The following ABTB3 variants were observed in gnomAD, a reference collection of about 807,000 sequenced individuals.
ABTB3 encodes ankyrin repeat- and BTB/POZ domain-containing protein 3.
the ABTB3 span, among the ~76,000 whole-genome samples, chr12:107,631,350 A>G: frequency 1.3e-5 from 2 of 152,164 alleles, no homozygotes; most frequent in South Asian, 2.1e-4. Context: ...CCAGTGCACC[A>G]CTGATGGACA....
chr12:107,438,126 C>T, the ABTB3 span, among the ~76,000 whole-genome samples: 1 of 152,150 alleles, frequency 6.6e-6, no homozygotes, highest in Admixed American at 6.5e-5. Context: ...TAAGATGATA[C>T]AACCAGGCGC....
At chr12:107,354,479 A>G in the ABTB3 span, among the ~76,000 whole-genome samples, 1 of 152,160 alleles carries the variant, frequency 6.6e-6, no homozygotes, top group South Asian at 2.1e-4. Flanking sequence ...TGGACATTTC[A>G]TAGAAATGGA....
chr12:107,394,819 A>G, the ABTB3 span, among the ~76,000 whole-genome samples: 1 of 152,194 alleles, frequency 6.6e-6, no homozygotes, highest in South Asian at 2.1e-4. Context: ...ATCACCACCA[A>G]AAAACATTGT....
chr12:107,489,022 A>G, the ABTB3 span, among the ~76,000 whole-genome samples: 6 of 152,206 alleles, frequency 3.9e-5, no homozygotes, highest in Non-Finnish European at 8.8e-5. Context: ...AAAAAGGAGT[A>G]CAAAGGCATC....
chr12:107,497,104 G>T, the ABTB3 span, among the ~76,000 whole-genome samples: 41 of 152,162 alleles, frequency 2.7e-4, no homozygotes, highest in Non-Finnish European at 4.7e-4. Context: ...CACATAGTGG[G>T]TGTCAGCTCC....
At chr12:107,341,574 C>A in the ABTB3 span, among the ~76,000 whole-genome samples, 9 of 152,248 alleles carry the variant, frequency 5.9e-5, no homozygotes, top group East Asian at 1.7e-3. Context: ...TTTCTGGGAA[C>A]CTCAATATGT....
At chr12:107,455,186 C>T in the ABTB3 span, among the ~76,000 whole-genome samples, 2 of 152,230 alleles carry the variant, frequency 1.3e-5, no homozygotes, top group Admixed American at 6.5e-5. Flanking sequence ...GATTTGAATC[C>T]CGTCTCTCTG....
chr12:107,336,423 A>G, the ABTB3 span, among the ~76,000 whole-genome samples: 1 of 152,160 alleles, frequency 6.6e-6, no homozygotes, highest in East Asian at 1.9e-4. Context: ...AAATCCCAGC[A>G]TCGTCCCTTA....
chr12:107,469,186 C>G, the ABTB3 span, among the ~76,000 whole-genome samples: 1 of 152,172 alleles, frequency 6.6e-6, no homozygotes, highest in Non-Finnish European at 1.5e-5. Flanking sequence ...ACAGGCCTCC[C>G]CTGCAGACAT....
the ABTB3 span, among the ~76,000 whole-genome samples, chr12:107,366,435 C>T: frequency 6.6e-6 from 1 of 151,840 alleles, no homozygotes; most frequent in South Asian, 2.1e-4. Flanking sequence ...AAAAACCTAA[C>T]ACCAGGAAAC....
At chr12:107,406,144 G>A in the ABTB3 span, among the ~76,000 whole-genome samples, 1 of 152,226 alleles carries the variant, frequency 6.6e-6, no homozygotes, top group South Asian at 2.1e-4. Context: ...GCACACGGTT[G>A]TGATAGTACC....
the ABTB3 span, among the ~76,000 whole-genome samples, chr12:107,408,075 C>T: frequency 2.6e-5 from 4 of 151,922 alleles, no homozygotes; most frequent in Non-Finnish European, 2.9e-5. Flanking sequence ...ATATGATAAA[C>T]GGTCTCTTGC....
chr12:107,640,369 A>G, the ABTB3 span: 3 of 1,601,980 alleles, frequency 1.9e-6, no homozygotes, highest in African/African-American at 4.0e-5. Context: ...TAGAAGGAAG[A>G]CCATTTTATG....
chr12:107,364,689 G>A, the ABTB3 span, among the ~76,000 whole-genome samples: 1 of 152,104 alleles, frequency 6.6e-6, no homozygotes, highest in African/African-American at 2.4e-5. Context: ...GCATGAATTC[G>A]TGTTGATGGA....
chr12:107,632,219 C>A, the ABTB3 span, among the ~76,000 whole-genome samples: 10 of 152,122 alleles, frequency 6.6e-5, no homozygotes, highest in African/African-American at 2.2e-4. Context: ...AGTTAAACCA[C>A]CACCGCTGTC....
At chr12:107,346,739 G>A in the ABTB3 span, among the ~76,000 whole-genome samples, 1,018 of 152,288 alleles carry the variant, frequency 6.7e-3, 13 homozygotes, top group African/African-American at 0.023. Flanking sequence ...GATTACAGGC[G>A]TGAGCCACCA....
the ABTB3 span, among the ~76,000 whole-genome samples, chr12:107,597,433 G>A: frequency 6.6e-6 from 1 of 152,162 alleles, no homozygotes; most frequent in African/African-American, 2.4e-5. Context: ...CGGCGGAAGG[G>A]CAAGTGAGCG....
chr12:107,620,473 C>T, the ABTB3 span, among the ~76,000 whole-genome samples: 1 of 152,152 alleles, frequency 6.6e-6, no homozygotes, highest in Non-Finnish European at 1.5e-5. Context: ...CATTATGAAA[C>T]AGTTGGTACA....
the ABTB3 span, among the ~76,000 whole-genome samples, chr12:107,440,680 A>G: frequency 5.9e-5 from 9 of 152,208 alleles, no homozygotes; most frequent in African/African-American, 1.7e-4. Flanking sequence ...ATACAGCACC[A>G]GGAACCTACG....
Sources: allele counts gnomAD v4.1 joint callset (sites outside exome capture counted in the v4.1 genomes callset), GRCh38; gene constraint gnomAD v4.1.1; transcripts MANE v1.5; gene names NCBI Gene and HGNC (gene_info 2026-07-23, HGNC 2026-07-21).